Variants in CEP350 observed in about 807,000 individuals in gnomAD.
CEP350 encodes the protein centrosomal protein 350.
CEP350 carries 126 observed loss-of-function variants against 331.8 expected under a neutral mutation model. The observed-to-expected ratio is 0.38, with a 90% CI of 0.33 to 0.44. The LOEUF (loss-of-function observed/expected upper bound fraction) is 0.44. CEP350 is among the 20% of genes least tolerant of loss of function. CEP350 has a pLI of 1.00. For synonymous variants in CEP350, 1,200 were observed against 1,259.5 expected, an observed-to-expected ratio of 0.95 and a Z score of 1.00; for missense variants, 3,406 against 3,634.6, an observed-to-expected ratio of 0.94 and a Z score of 1.62.
chr1:180,092,781 G>A lies in CEP350; in HGVS notation c.6676G>A (p.Val2226Ile). 2.5e-6 allele frequency: 4 copies of A among 1,581,968 alleles called. No homozygotes were observed. The South Asian group carries it at 4.6e-5, about 18-fold the overall frequency. The change falls in exon 34 of 38, where the codon GTA becomes ATA. Residue 2226 changes from valine to isoleucine, a missense_variant. Val to Ile is a conservative substitution (Grantham distance 29). Coordinates refer to ENST00000367607, the MANE Select transcript of CEP350 (RefSeq NM_014810.5). ...REESGDSLENVPALHLLKELN... is the reference protein window; with the variant it reads ...REESGDSLENIPALHLLKELN... ...AGAATCTGGAGATTCTCTAGAAAAT[G>A]TACCTGCATTACATCTTCTCAAAGA... is the stretch of plus-strand genomic sequence containing the variant.
At chr1:180,027,454 T>C (rs1302804264) in intron 14 of CEP350, among the ~76,000 whole-genome samples, 1 of 152,164 alleles carries the variant, frequency 6.6e-6, no homozygotes, top group Non-Finnish European at 1.5e-5. Context: ...TCACGGCTTA[T>C]GGCTCACCGT....
chr1:180,034,370 G>GTA (rs1656211096), intron 16 of CEP350, among the ~76,000 whole-genome samples: 1 of 152,034 alleles, frequency 6.6e-6, no homozygotes, highest in Non-Finnish European at 1.5e-5. Context: ...ATACACACAT[G>GTA]TACGCATGCA....
At chr1:180,024,615 T>C in intron 14 of CEP350, 33 bp downstream of exon 14, 1 of 1,566,734 alleles carries the variant, frequency 6.4e-7, no homozygotes, top group Non-Finnish European at 8.6e-7. Context: ...ACTTTTTCTC[T>C]TACCAATGAT....
chr1:180,097,174 GC>G (rs1558158921), intron 36 of CEP350, among the ~76,000 whole-genome samples: 1 of 152,208 alleles, frequency 6.6e-6, no homozygotes, highest in Non-Finnish European at 1.5e-5. Flanking sequence ...CCAAATCCAG[GC>G]CCCTGTATGT....
intron 9 of CEP350, among the ~76,000 whole-genome samples, chr1:180,012,358 G>A (rs1654714817): frequency 6.6e-6 from 1 of 152,126 alleles, no homozygotes; most frequent in African/African-American, 2.4e-5. Flanking sequence ...TAGACTTTTA[G>A]GGACCTTAGA....
Position 180,084,522 on chromosome 1 carries a change from G to A in CEP350, c.6285+344G>A, listed in dbSNP as rs373027105. ...TGGGACTACAGGCGTCCGCCACTACGCCCGGCTAATTTTTTGTATATTTAG... is the reference window on the plus strand; with the variant it reads ...TGGGACTACAGGCGTCCGCCACTACACCCGGCTAATTTTTTGTATATTTAG... On this transcript the variant is annotated intron_variant, in intron 31 of 37. Coordinates refer to ENST00000367607, the MANE Select transcript of CEP350 (RefSeq NM_014810.5). Among the ~76,000 whole-genome samples the A allele has an allele frequency of 1.2e-3, 182 of 152,040 alleles. 1 individual carries two copies. The highest frequency in any genetic ancestry group is 3.8e-3 in the African/African-American group (157 of 41,472).
intron 27 of CEP350, among the ~76,000 whole-genome samples, chr1:180,070,100 A>T (rs1239236150): frequency 6.6e-6 from 1 of 152,244 alleles, no homozygotes; most frequent in Non-Finnish European, 1.5e-5. Flanking sequence ...GTATGTACAC[A>T]CATATATACA....
At chr1:179,995,850 T>G (rs970666353) in intron 5 of CEP350, among the ~76,000 whole-genome samples, 10 of 152,212 alleles carry the variant, frequency 6.6e-5, no homozygotes, top group African/African-American at 2.4e-4. Context: ...CACATTTATT[T>G]GGAAGAAAAT....
At chr1:180,084,267 AT>A in intron 31 of CEP350, 89 bp downstream of exon 31, 1 of 1,219,554 alleles carries the variant, frequency 8.2e-7, no homozygotes, top group Non-Finnish European at 1.1e-6. Flanking sequence ...AAAGTAATGG[AT>A]TAGGATTCTT....
intron 11 of CEP350, among the ~76,000 whole-genome samples, chr1:180,016,438 A>G (rs1654977415): frequency 6.6e-6 from 1 of 152,186 alleles, no homozygotes; most frequent in South Asian, 2.1e-4. Context: ...TTGATTTCAG[A>G]TAGTCAACAG....
In CEP350 at chr1:180,078,519, A is replaced by G; in HGVS notation, c.5824A>G (p.Ser1942Gly). 2 of 1,613,702 alleles carry G rather than the reference A, an allele frequency of 1.2e-6. No homozygotes were observed. Residue 1942 changes from serine (S) to glycine (G), a missense_variant, in exon 29 of 38, where the codon AGC becomes GGC. Coordinates refer to ENST00000367607, the MANE Select transcript of CEP350 (RefSeq NM_014810.5). ...VPLYSHLNSESSIPEELGSPA... is the reference protein window; with the variant it reads ...VPLYSHLNSEGSIPEELGSPA... The stretch of plus-strand genomic sequence containing the variant: ...TCTGTACTCTCATCTAAACAGTGAA[A>G]GCTCCATTCCAGAAGAATTAGGCAG...
At chr1:179,985,324 T>C (rs1427617809) in intron 1 of CEP350, among the ~76,000 whole-genome samples, 1 of 152,220 alleles carries the variant, frequency 6.6e-6, no homozygotes, top group East Asian at 1.9e-4. Flanking sequence ...ATAGCACATA[T>C]CAGATTTCCT....
At chr1:180,102,512 A>G (rs1053254061) in intron 37 of CEP350, among the ~76,000 whole-genome samples, 4 of 152,240 alleles carry the variant, frequency 2.6e-5, no homozygotes, top group Admixed American at 1.3e-4. Context: ...TACTAAAAGA[A>G]TGAGCTTATT....
Position 179,987,392 on chromosome 1 carries a change from A to G in CEP350, c.120+106A>G, listed in dbSNP as rs1652712444. 5.0e-6 allele frequency: 2 copies of G among 400,476 alleles called. 1 individual carries two copies. Among genetic ancestry groups the G allele is most frequent in the Admixed American group, 9.0e-5 (2 of 22,282 alleles). 24.8% of individuals were successfully genotyped at this position (400,476 alleles called of 1,614,324 possible). On this transcript the variant is annotated intron_variant, in intron 3 of 37. Transcript: ENST00000367607. ...CCATACTGTTCTTTAAATACTATATATTACTATAGAATAATACTATATATT... is the reference window on the plus strand; with the variant it reads ...CCATACTGTTCTTTAAATACTATATGTTACTATAGAATAATACTATATATT...
chr1:180,014,081 C>T lies in CEP350; in HGVS notation c.1628C>T (p.Thr543Ile). 6.2e-7 allele frequency: 1 copy of T among 1,611,706 alleles called. No individual in the cohort carries two copies. Residue 543 changes from threonine to isoleucine, a missense_variant, in exon 10 of 38, where the codon ACT becomes ATT. By Grantham distance (89) the Thr-to-Ile change is moderately conservative (BLOSUM62 -1). Transcript: ENST00000367607. Reference sequence around the variant, plus strand: ...CTACAGCTGGATTCTACAGCTCACACTGCAAAGCAAGATACTGTAGAGTTA... The same window carrying T: ...CTACAGCTGGATTCTACAGCTCACATTGCAAAGCAAGATACTGTAGAGTTA... ...DDLQLDSTAH[T>I]AKQDTVELQN...
Position 179,987,269 on chromosome 1 carries a change from T to C in CEP350, c.103T>C (p.Ser35Pro). The C allele has an allele frequency of 6.4e-7, 1 of 1,567,866 alleles. No individual in the cohort carries two copies. The highest frequency in any genetic ancestry group is 1.4e-5 in the African/African-American group (1 of 74,058). The change falls in exon 3 of 38, where the codon TCT (serine) becomes CCT (proline). Residue 35 changes from serine to proline, a missense_variant. Transcript: ENST00000367607. The stretch of plus-strand genomic sequence containing the variant: ...TATAACCACATCGTGGGATGCACTT[T>C]CTCAAACCAAGGCTGCTGTAAGTAG... ...ADITTSWDAL[S>P]QTKAALRHIE...
chr1:179,996,614 T>C lies in CEP350; in HGVS notation c.457T>C (p.Cys153Arg). ...SSHLESKHVY[C>R]VDVNEEKTES... ...CCATCTGGAATCAAAGCACGTATAC[T>C]GTGTAGATGTTAATGAAGAAAAGAC... The change falls in exon 6 of 38, where the codon TGT (cysteine) becomes CGT (arginine). Residue 153 changes from cysteine to arginine, a missense_variant. Physicochemically the swap from Cys to Arg is radical, Grantham distance 180. Around this residue, in one of 5 missense-constraint regions of CEP350, gnomAD observed 1,857 missense variants for 1,909.2 expected, o/e 0.97. Transcript: ENST00000367607. 1 of 1,607,308 alleles carries C rather than the reference T, an allele frequency of 6.2e-7. No homozygotes were observed. The highest frequency in any genetic ancestry group is 8.5e-7 in the Non-Finnish European group (1 of 1,176,418).
intron 22 of CEP350, among the ~76,000 whole-genome samples, chr1:180,050,690 A>G (rs972069553): frequency 6.8e-5 from 10 of 147,162 alleles, no homozygotes; most frequent in African/African-American, 2.6e-4. Flanking sequence ...AAAAAAAAAA[A>G]CAAAAAAACC....
intron 1 of CEP350, among the ~76,000 whole-genome samples, chr1:179,982,693 T>C (rs1652368056): frequency 6.6e-6 from 1 of 152,252 alleles, no homozygotes; most frequent in Non-Finnish European, 1.5e-5. Context: ...CCCAAAGAAA[T>C]TTTTTGTCTA....
Sources: allele counts gnomAD v4.1 joint callset (sites outside exome capture counted in the v4.1 genomes callset), GRCh38; gene constraint gnomAD v4.1.1; regional missense constraint gnomAD v4.1.1; transcripts MANE v1.5; gene names NCBI Gene and HGNC (gene_info 2026-07-23, HGNC 2026-07-21).